INVS: variants seen among roughly 807,000 people sequenced by gnomAD.
INVS encodes the protein inversion of embryo turning homolog.
INVS carries 86 observed loss-of-function variants against 108.8 expected under a neutral mutation model. The observed-to-expected ratio is 0.79, with a 90% confidence interval of 0.66 to 0.95. The LOEUF (loss-of-function observed/expected upper bound fraction) is 0.95, where lower values mean the gene tolerates loss of function less well. Ranked by LOEUF, INVS falls within the 40% of genes least tolerant of loss-of-function variation. The pLI is 0.00. For missense variants in INVS, 1,169 were observed against 1,297.4 expected (o/e 0.90, Z 1.52); for synonymous variants, 455 against 473.5 (o/e 0.96, Z 0.51).
chr9:100,125,009 T>C (rs1827840589), intron 2 of INVS, among the ~76,000 whole-genome samples: 1 of 152,234 alleles, frequency 6.6e-6, no homozygotes, highest in African/African-American at 2.4e-5. Context: ...CAGGCCCATT[T>C]AGAACCAAGG....
rs554670520 is a variant in INVS at position 100,234,670 on chromosome 9, C to A, written c.615+4843C>A. Among the ~76,000 whole-genome samples, 53 of 152,174 alleles carry A rather than the reference C, an allele frequency of 3.5e-4. No individual in the cohort carries two copies. In the South Asian group the frequency reaches 0.01, roughly 30 times the overall value. On this transcript the variant is annotated intron_variant, in intron 5 of 16. Transcript: ENST00000262457. Reference sequence around the variant, plus strand: ...GTTGTTCAGTTTCCATGTAGTTGTGCGGTTTTGAGTGAGTTTCTTAATCCT... The same window carrying A: ...GTTGTTCAGTTTCCATGTAGTTGTGAGGTTTTGAGTGAGTTTCTTAATCCT...
In INVS at chr9:100,203,776, C is replaced by T. The variant is rs887459240; in HGVS notation, c.274-22286C>T. On this transcript the variant is annotated intron_variant, in intron 3 of 16. Transcript: ENST00000262457. ...CCTCAGCCTCCCAAAGTGCTGGGCA[C>T]GCCCAGCCCCAAATCTTCTTTCTTA... is the stretch of plus-strand genomic sequence containing the variant. Among the ~76,000 whole-genome samples the T allele has an allele frequency of 2.6e-5, 4 of 151,800 alleles. No individual in the cohort carries two copies. The South Asian group carries it at 6.2e-4, about 24-fold the overall frequency.
intron 10 of INVS, among the ~76,000 whole-genome samples, chr9:100,258,375 G>A (rs927445887): frequency 1.3e-5 from 2 of 152,142 alleles, no homozygotes; most frequent in Non-Finnish European, 2.9e-5. Flanking sequence ...GGAGAAGTTT[G>A]TAATTACCGA....
At chr9:100,170,664 G>C (rs1829509686) in intron 3 of INVS, among the ~76,000 whole-genome samples, 2 of 152,122 alleles carry the variant, frequency 1.3e-5, no homozygotes, top group African/African-American at 2.4e-5. Flanking sequence ...TTTGTGTTTG[G>C]GGTTTTGATC....
At chr9:100,299,635 G>GACAC (rs10530240) in intron 16 of INVS, among the ~76,000 whole-genome samples, 2,436 of 132,212 alleles carry the variant, frequency 0.018, 36 homozygotes, top group Non-Finnish European at 0.029. Flanking sequence ...GCCTTTTATT[G>GACAC]ACACACACAC....
chr9:100,133,336 T>TCA (rs1474587944), intron 3 of INVS, among the ~76,000 whole-genome samples: 2 of 148,250 alleles, frequency 1.3e-5, no homozygotes, highest in African/African-American at 5.2e-5. Context: ...TACCTTTACT[T>TCA]TATGTGTGTG....
intron 3 of INVS, among the ~76,000 whole-genome samples, chr9:100,185,516 A>T (rs1203558004): frequency 9.0e-6 from 1 of 110,858 alleles, no homozygotes; most frequent in Non-Finnish European, 1.8e-5. Flanking sequence ...TATGCATAGA[A>T]ATATATATAT....
chr9:100,156,953 C>CACAT (rs1248870741), intron 3 of INVS, among the ~76,000 whole-genome samples: 5 of 143,160 alleles, frequency 3.5e-5, no homozygotes, highest in African/African-American at 1.4e-4. Context: ...TACACACACA[C>CACAT]ACATATATAT....
chr9:100,099,782 G>A (rs1826760830), intron 1 of INVS, among the ~76,000 whole-genome samples: 1 of 152,156 alleles, frequency 6.6e-6, no homozygotes, highest in Non-Finnish European at 1.5e-5. Context: ...AGCAGTCGAG[G>A]ATCCTAACTT....
chr9:100,211,035 C>A (rs573658907), intron 3 of INVS, among the ~76,000 whole-genome samples: 7 of 152,150 alleles, frequency 4.6e-5, no homozygotes, highest in African/African-American at 1.7e-4. Flanking sequence ...AATGCAGATT[C>A]TTGGCCCCTA....
At chr9:100,242,082 A>G (rs995842309) in intron 6 of INVS, among the ~76,000 whole-genome samples, 3 of 152,132 alleles carry the variant, frequency 2.0e-5, no homozygotes, top group African/African-American at 4.8e-5. Context: ...TGTGGAAAGG[A>G]GAATATAGGG....
chr9:100,203,745 C>T (rs1238994829), intron 3 of INVS, among the ~76,000 whole-genome samples: 2 of 151,936 alleles, frequency 1.3e-5, no homozygotes, highest in Admixed American at 6.6e-5. Context: ...TCAGGTGATC[C>T]GCCCGCCTCA....
In INVS at chr9:100,286,821, C is replaced by T. The variant is rs188106680; in HGVS notation, c.2068+2218C>T. Among the ~76,000 whole-genome samples the T allele has an allele frequency of 2.3e-3, 344 of 152,270 alleles. 2 individuals are homozygous for T. Among genetic ancestry groups the T allele is most frequent in the Non-Finnish European group, 3.8e-3 (260 of 68,026 alleles). On this transcript the variant is annotated intron_variant, in intron 13 of 16. Coordinates refer to ENST00000262457, the MANE Select transcript of INVS (RefSeq NM_014425.5). ...TTCTTCTGTTCAACCAATATCTCCC[C>T]GCTAAAGGAGGCTATAGTTTCCTGC...
intron 3 of INVS, among the ~76,000 whole-genome samples, chr9:100,141,512 C>T (rs563525542): frequency 7.0e-4 from 106 of 152,188 alleles, no homozygotes; most frequent in Non-Finnish European, 1.0e-3. Context: ...AAGGCCAAAC[C>T]GAGGAATTAT....
At chr9:100,125,386 G>A (rs1827850484) in intron 2 of INVS, among the ~76,000 whole-genome samples, 1 of 152,178 alleles carries the variant, frequency 6.6e-6, no homozygotes, top group Non-Finnish European at 1.5e-5. Flanking sequence ...ACTAGAGAGA[G>A]TAGACTTCTC....
chr9:100,285,981 T>G (rs901040480), intron 13 of INVS, among the ~76,000 whole-genome samples: 1 of 152,226 alleles, frequency 6.6e-6, no homozygotes, highest in Non-Finnish European at 1.5e-5. Flanking sequence ...TTCGTATTAT[T>G]ATGAAAATAG....
At position 100,226,239 on chromosome 9, in the gene INVS, A is replaced by C. The variant is rs781529497; in HGVS notation, c.447+4A>C. ...GGATACACAGGATAAAAACAAGGTA[A>C]TGGATACTCAAAATCAAAGACTAAT... On this transcript the variant is annotated splice_donor_region_variant and intron_variant, in intron 4 of 16. Coordinates refer to ENST00000262457, the MANE Select transcript of INVS (RefSeq NM_014425.5). The C allele has an allele frequency of 1.9e-6, 3 of 1,612,630 alleles. No individual in the cohort carries two copies. Among genetic ancestry groups the C allele is most frequent in the African/African-American group, 2.7e-5 (2 of 75,010 alleles).
intron 14 of INVS, 95 bp from the exon 15 acceptor site, chr9:100,296,822 C>A: frequency 1.0e-6 from 1 of 980,854 alleles, no homozygotes; most frequent in Non-Finnish European, 1.6e-6. Context: ...AGGAATTCAG[C>A]AAATACTACT....
In INVS at chr9:100,273,151, G is replaced by A. The variant is rs1221451789; in HGVS notation, c.1784+75G>A. 11 of 1,131,638 alleles carry A rather than the reference G, an allele frequency of 9.7e-6. No homozygotes were observed. The East Asian group carries it at 2.6e-4, about 27-fold the overall frequency. 70.1% of individuals were successfully genotyped at this position (1,131,638 alleles called of 1,614,324 possible). ...GAAGTGGGGGTGTGGGGGGTGCTGG[G>A]GTGGCCAGGAGAGGGAAACAGATGA... On this transcript the variant is annotated intron_variant, in intron 12 of 16. Transcript: ENST00000262457.
Sources: allele counts gnomAD v4.1 joint callset (sites outside exome capture counted in the v4.1 genomes callset), GRCh38; gene constraint gnomAD v4.1.1; transcripts MANE v1.5; gene names NCBI Gene and HGNC (gene_info 2026-07-23, HGNC 2026-07-21).